The following BLK variants were observed in gnomAD, a reference collection of about 807,000 sequenced individuals.
BLK encodes the protein BLK proto-oncogene, Src family tyrosine kinase.
BLK carries 64 observed loss-of-function variants against 61.8 expected under a neutral mutation model. The ratio of observed to expected loss-of-function variants is 1.03; its 90% CI spans 0.85 to 1.27. The LOEUF is 1.27. BLK is among the 50% of genes most tolerant of loss of function. BLK has a pLI of 0.00. For synonymous variants in BLK, 351 were observed against 272.0 expected (o/e 1.29, Z -2.86); for missense variants, 853 against 660.5 (o/e 1.29, Z -3.19).
intron 1 of BLK, among the ~76,000 whole-genome samples, chr8:11,524,042 T>A (rs928594077): frequency 6.6e-6 from 1 of 152,210 alleles, no homozygotes; most frequent in African/African-American, 2.4e-5. Context: ...GACAATTGAA[T>A]ATTTACCTTA....
At chr8:11,522,489 C>T (rs544867471) in intron 1 of BLK, among the ~76,000 whole-genome samples, 2 of 152,126 alleles carry the variant, frequency 1.3e-5, no homozygotes, top group African/African-American at 4.8e-5. Flanking sequence ...AGCCCACTGC[C>T]CTGTAAGTCC....
intron 1 of BLK, among the ~76,000 whole-genome samples, chr8:11,532,191 ATATT>A (rs542197840): frequency 8.9e-5 from 12 of 134,784 alleles, no homozygotes; most frequent in African/African-American, 2.2e-4. Context: ...AAAAATTTTA[ATATT>A]TATTTATTTA....
chr8:11,510,322 T>C (rs764468663), intron 1 of BLK, among the ~76,000 whole-genome samples: 2 of 152,126 alleles, frequency 1.3e-5, no homozygotes, highest in African/African-American at 2.4e-5. Flanking sequence ...CTGGCCAGGG[T>C]TACTGGTGTG....
intron 1 of BLK, among the ~76,000 whole-genome samples, chr8:11,520,294 T>A (rs1336563670): frequency 6.6e-6 from 1 of 151,726 alleles, no homozygotes; most frequent in East Asian, 1.9e-4. Flanking sequence ...GTGGTCAACA[T>A]GGTGAAAACC....
intron 1 of BLK, among the ~76,000 whole-genome samples, chr8:11,535,841 G>C (rs1232507815): frequency 6.6e-6 from 1 of 152,230 alleles, no homozygotes; most frequent in African/African-American, 2.4e-5. Context: ...GTAACTCTAT[G>C]TGTAAGAAGG....
In BLK at chr8:11,494,591, G is replaced by A. The variant is rs1419682202; in HGVS notation, c.-2G>A. 6.6e-6 allele frequency: 1 copy of A among 152,414 alleles called. No homozygotes were observed. The highest frequency in any genetic ancestry group is 6.5e-5 in the Admixed American group (1 of 15,302). The allele number at this position is 152,414 out of a possible 1,614,324, so 9.4% of individuals were successfully genotyped here. A position where few individuals can be genotyped will look rare whatever the true frequency, so the allele number is the denominator to read the frequency against. On this transcript the variant is annotated splice_region_variant and 5_prime_UTR_variant, in exon 1 of 13. Transcript: ENST00000259089. ...TGAAACACCACTGAAGCATTGCCAA[G>A]GTGAGGCCCTGCGTCTTCCGGGTTC...
rs1345699004 is a variant in BLK at position 11,555,712 on chromosome 8, G to C, written c.772+228G>C. On this transcript the variant is annotated intron_variant, in intron 8 of 12. Transcript: ENST00000259089. ...GGTGGCAGAGCAGGAACAGAATCCA[G>C]CTCACCCAGCCCCGAAGTCGCTCCC... The C allele has an allele frequency of 4.4e-6, 3 of 675,610 alleles. No individual in the cohort carries two copies. In the African/African-American group the frequency reaches 5.3e-5, roughly 12 times the overall value. The allele number at this position is 675,610 out of a possible 1,614,324, so 41.9% of individuals were successfully genotyped here.
chr8:11,501,158 A>G (rs1049622662), intron 1 of BLK, among the ~76,000 whole-genome samples: 1 of 152,156 alleles, frequency 6.6e-6, no homozygotes, highest in Non-Finnish European at 1.5e-5. Flanking sequence ...GTGAGCTGAG[A>G]CTGCCGCTGC....
chr8:11,506,739 C>G (rs1432747839), intron 1 of BLK, among the ~76,000 whole-genome samples: 1 of 152,174 alleles, frequency 6.6e-6, no homozygotes, highest in Non-Finnish European at 1.5e-5. Flanking sequence ...GCTAGAATGT[C>G]ATGTCAGCCT....
Position 11,564,077 on chromosome 8 carries a change from C to A in BLK, c.1487C>A (p.Ala496Asp). Residue 496 changes from alanine to aspartate, a missense_variant, in exon 13 of 13, where the codon GCC (alanine) becomes GAC (aspartate). Physicochemically the swap from Ala to Asp is moderately radical, Grantham distance 126. Transcript: ENST00000259089. The stretch of plus-strand genomic sequence containing the variant: ...TCGGTGCTGGAGGACTTCTACACGG[C>A]CACCGAGCGGCAGTACGAGCTGCAG... The part of the protein sequence containing the change: ...LQSVLEDFYT[A>D]TERQYELQP 3 of 1,592,546 alleles carry A rather than the reference C, an allele frequency of 1.9e-6. No individual in the cohort carries two copies. The highest frequency in any genetic ancestry group is 1.7e-5 in the Admixed American group (1 of 58,596).
Position 11,548,919 on chromosome 8 carries a change from T to C in BLK, c.270-105T>C, listed in dbSNP as rs2117487994. 18 of 1,023,796 alleles carry C rather than the reference T, an allele frequency of 1.8e-5. No individual in the cohort carries two copies. In the South Asian group the frequency reaches 2.5e-4, roughly 14 times the overall value. 63.4% of individuals were successfully genotyped at this position (1,023,796 alleles called of 1,614,324 possible). ...CTGCCGTACTCTCTACCCCTGCGGA[T>C]TCTCTGCCCTCCAGGGAGAGATGAC... is the stretch of plus-strand genomic sequence containing the variant. On this transcript the variant is annotated intron_variant, in intron 4 of 12. Coordinates refer to ENST00000259089, the MANE Select transcript of BLK (RefSeq NM_001715.3).
Position 11,550,148 on chromosome 8 carries a change from C to A in BLK, c.369-11C>A. 2 of 1,613,176 alleles carry A rather than the reference C, an allele frequency of 1.2e-6. No individual in the cohort carries two copies. Among genetic ancestry groups the A allele is most frequent in the Non-Finnish European group, 1.7e-6 (2 of 1,179,232 alleles). On this transcript the variant is annotated splice_polypyrimidine_tract_variant and intron_variant, in intron 5 of 12. Transcript: ENST00000259089. ...TCGCTCTGAGTTTCACCTGTTCCTG[C>A]CGTTTTCCAGGTGGTTCTTTAGATC...
intron 1 of BLK, among the ~76,000 whole-genome samples, chr8:11,540,451 A>C (rs1462680064): frequency 6.6e-6 from 1 of 152,178 alleles, no homozygotes; most frequent in Non-Finnish European, 1.5e-5. Flanking sequence ...CATAATTATA[A>C]AGCTAGGTTA....
chr8:11,543,212 T>A lies in BLK; in HGVS notation c.-1-12T>A. ...TCTCTCATGTCCTCTGTCTGCTGTG[T>A]GTCTCCGACAGGATGGGGCTGGTAA... On this transcript the variant is annotated splice_polypyrimidine_tract_variant and intron_variant, in intron 1 of 12. Transcript: ENST00000259089. 3 of 1,613,794 alleles carry A rather than the reference T, an allele frequency of 1.9e-6. No homozygotes were observed. Among genetic ancestry groups the A allele is most frequent in the Admixed American group, 1.7e-5 (1 of 60,022 alleles).
At chr8:11,499,009 GTGT>G (rs545864001) in intron 1 of BLK, among the ~76,000 whole-genome samples, 177 of 152,316 alleles carry the variant, frequency 1.2e-3, no homozygotes, top group African/African-American at 4.1e-3. Flanking sequence ...GGAGAGCATG[GTGT>G]TGTTGTTTCT....
intron 1 of BLK, among the ~76,000 whole-genome samples, chr8:11,540,705 T>C (rs545160872): frequency 2.1e-4 from 32 of 152,084 alleles, no homozygotes; most frequent in Non-Finnish European, 1.5e-5. Flanking sequence ...GGAGAAAAAA[T>C]GGGAATAGAT....
chr8:11,531,828 T>C (rs908116648), intron 1 of BLK, among the ~76,000 whole-genome samples: 1 of 152,198 alleles, frequency 6.6e-6, no homozygotes, highest in African/African-American at 2.4e-5. Context: ...CAGCACCCAA[T>C]GTACTATTCA....
chr8:11,511,199 T>C (rs1798991077), intron 1 of BLK, among the ~76,000 whole-genome samples: 2 of 152,204 alleles, frequency 1.3e-5, no homozygotes, highest in Admixed American at 6.5e-5. Flanking sequence ...CTTCAGCTCA[T>C]TGAATTCCTG....
intron 11 of BLK, among the ~76,000 whole-genome samples, chr8:11,562,543 A>G (rs1049520740): frequency 2.6e-5 from 4 of 152,146 alleles, no homozygotes; most frequent in Admixed American, 1.3e-4. Flanking sequence ...CGGCCCTCGG[A>G]GGTACAAGTG....
Sources: gnomAD v4.1 joint callset for allele counts (sites outside exome capture counted in the v4.1 genomes callset) on GRCh38, gnomAD v4.1.1 for gene constraint, MANE v1.5 for transcripts, NCBI Gene and HGNC (gene_info 2026-07-23, HGNC 2026-07-21) for gene names.